Variants in RPH3AL observed in about 807,000 individuals in gnomAD.
RPH3AL encodes the protein rabphilin 3A like (without C2 domains).
A neutral mutation model predicts 43.1 loss-of-function variants in RPH3AL; 38 were observed. The ratio of observed to expected loss-of-function variants is 0.88; its 90% CI spans 0.68 to 1.15. The LOEUF (loss-of-function observed/expected upper bound fraction) is 1.15, where lower values mean the gene tolerates loss of function less well. Among genes scored for constraint, RPH3AL ranks in the 50% most tolerant of loss-of-function variants. RPH3AL has a pLI of 0.00. For missense variants in RPH3AL, 462 were observed against 423.2 expected (o/e 1.09, Z -0.81); for synonymous variants, 189 against 176.3 (o/e 1.07, Z -0.57).
intron 7 of RPH3AL, among the ~76,000 whole-genome samples, chr17:222,076 C>G (rs1484275055): frequency 6.6e-6 from 1 of 152,264 alleles, no homozygotes; most frequent in Non-Finnish European, 1.5e-5. Flanking sequence ...CCAAGAACAA[C>G]AGCTCTGAGG....
At chr17:258,177 G>A (rs368316999) in intron 6 of RPH3AL, among the ~76,000 whole-genome samples, 5 of 152,062 alleles carry the variant, frequency 3.3e-5, no homozygotes, top group Admixed American at 2.0e-4. Context: ...CCCCCTTTTC[G>A]CTGGTCCTTC....
chr17:217,342 C>T (rs1366759923), intron 8 of RPH3AL, among the ~76,000 whole-genome samples: 7 of 91,520 alleles, frequency 7.6e-5, no homozygotes, highest in African/African-American at 2.0e-4. Flanking sequence ...CAGAGCCCTT[C>T]TTCTGCATTA....
rs550325544 is a variant in RPH3AL at position 264,522 on chromosome 17, C to T, written c.439-17237G>A. ...GCATGTTGACAGCAGGATTACCCTT[C>T]GGAGCCGTGCGCGCTGGATGGGGAC... On this transcript the variant is annotated intron_variant, in intron 6 of 9. Coordinates refer to ENST00000331302, the MANE Select transcript of RPH3AL (RefSeq NM_006987.4). This position sits in a 1 kb window ranked among gnomAD's most constrained non-coding sequence, Gnocchi z 4.8. Among the ~76,000 whole-genome samples, 2 of 151,902 alleles carry T rather than the reference C, an allele frequency of 1.3e-5. No homozygotes were observed. Among genetic ancestry groups the T allele is most frequent in the East Asian group, 1.9e-4 (1 of 5,158 alleles).
intron 5 of RPH3AL, among the ~76,000 whole-genome samples, chr17:315,125 G>A (rs1392668807): frequency 1.4e-4 from 20 of 146,198 alleles, no homozygotes; most frequent in East Asian, 4.1e-4. Context: ...TTGACCTGTA[G>A]TCTCTGTGCT....
rs945271976 is a variant in RPH3AL, at chr17:290,931, G to A, written c.352-9077C>T. Among the ~76,000 whole-genome samples the A allele has an allele frequency of 2.0e-5, 3 of 152,166 alleles. No individual in the cohort carries two copies. The highest frequency in any genetic ancestry group is 4.8e-5 in the African/African-American group (2 of 41,442). On this transcript the variant is annotated intron_variant, in intron 5 of 9. Transcript: ENST00000331302. The surrounding 1 kb of genome is among the most constrained non-coding windows in gnomAD (Gnocchi z 4.2). ...TTCATGAGCCTCACTCGACCGAAAA[G>A]GGTGAAACTGCGCTCAAACGTCCTG...
intron 6 of RPH3AL, among the ~76,000 whole-genome samples, chr17:265,935 C>T (rs1277086498): frequency 1.3e-5 from 2 of 152,206 alleles, no homozygotes; most frequent in African/African-American, 4.8e-5. Context: ...TGAGTCTCCG[C>T]TCACGGCGGA....
rs1218571913 is a variant in RPH3AL, at chr17:289,255, G to A, written c.352-7401C>T. Among the ~76,000 whole-genome samples the A allele has an allele frequency of 6.6e-6, 1 of 152,092 alleles. No individual in the cohort carries two copies. The highest frequency in any genetic ancestry group is 2.4e-5 in the African/African-American group (1 of 41,414). ...CAGCACCATAAAAGGTTAGGTAGGCGGCAACCTCAGACCTTTATAGCCATG... is the reference window on the plus strand; with the variant it reads ...CAGCACCATAAAAGGTTAGGTAGGCAGCAACCTCAGACCTTTATAGCCATG... On this transcript the variant is annotated intron_variant, in intron 5 of 9. Coordinates refer to ENST00000331302, the MANE Select transcript of RPH3AL (RefSeq NM_006987.4). The surrounding 1 kb of genome is among the most constrained non-coding windows in gnomAD (Gnocchi z 5.2).
chr17:251,266 T>C (rs1379905348), intron 6 of RPH3AL, among the ~76,000 whole-genome samples: 4 of 152,224 alleles, frequency 2.6e-5, no homozygotes, highest in Non-Finnish European at 4.4e-5. Context: ...TCTGATCCTC[T>C]TGGAGCCTTC....
chr17:310,151 G>A (rs80239868), intron 5 of RPH3AL, among the ~76,000 whole-genome samples: 6,334 of 152,158 alleles, frequency 0.042, 423 homozygotes, highest in African/African-American at 0.14. Flanking sequence ...TGGACTCTCA[G>A]TGAGACTCAA....
At chr17:312,877 A>G (rs1191821974) in intron 5 of RPH3AL, among the ~76,000 whole-genome samples, 1 of 152,198 alleles carries the variant, frequency 6.6e-6, no homozygotes, top group Non-Finnish European at 1.5e-5. Flanking sequence ...ACAATCCTGC[A>G]GCCAGGGAGG....
At chr17:314,369 C>G (rs2043771140) in intron 5 of RPH3AL, among the ~76,000 whole-genome samples, 1 of 148,322 alleles carries the variant, frequency 6.7e-6, no homozygotes, top group African/African-American at 2.6e-5. Flanking sequence ...GGAGTCACTG[C>G]CCGAGTCCTG....
rs1462627127 is a variant in RPH3AL, at chr17:212,799, G to A, written c.*1053C>T. The stretch of plus-strand genomic sequence containing the variant: ...TTCATGCCAAGCCAAACCTCCTGAA[G>A]AGAAGTGAATTCATGGCTGAGGGAG... On this transcript the variant is annotated 3_prime_UTR_variant, in exon 10 of 10. Transcript: ENST00000331302. The A allele has an allele frequency of 6.6e-6, 1 of 152,078 alleles. No individual in the cohort carries two copies. The highest frequency in any genetic ancestry group is 1.5e-5 in the Non-Finnish European group (1 of 68,028). 9.4% of individuals were successfully genotyped at this position (152,078 alleles called of 1,614,324 possible). A position where few individuals can be genotyped will look rare whatever the true frequency, so the allele number is the denominator to read the frequency against.
intron 5 of RPH3AL, among the ~76,000 whole-genome samples, chr17:293,834 A>G (rs371515638): frequency 6.6e-6 from 1 of 152,108 alleles, no homozygotes; most frequent in Non-Finnish European, 1.5e-5. Flanking sequence ...TTCAACACCA[A>G]CCTGGCCAAC....
At chr17:312,673 A>C (rs2043673742) in intron 5 of RPH3AL, among the ~76,000 whole-genome samples, 1 of 152,246 alleles carries the variant, frequency 6.6e-6, no homozygotes, top group Non-Finnish European at 1.5e-5. Flanking sequence ...CCAATGGGCC[A>C]GGCAGTCTGC....
chr17:306,998 C>G (rs1028546692), intron 5 of RPH3AL, among the ~76,000 whole-genome samples: 1 of 152,182 alleles, frequency 6.6e-6, no homozygotes, highest in African/African-American at 2.4e-5. Flanking sequence ...CACCCACCCT[C>G]CAGGCCCGGC....
intron 5 of RPH3AL, among the ~76,000 whole-genome samples, chr17:309,989 C>T (rs188464640): frequency 9.3e-5 from 14 of 150,652 alleles, no homozygotes; most frequent in African/African-American, 2.9e-4. Context: ...CTCAGGTCAT[C>T]GTTTCATAGG....
intron 7 of RPH3AL, among the ~76,000 whole-genome samples, chr17:232,665 C>T (rs117176282): frequency 1.3e-5 from 2 of 152,286 alleles, no homozygotes; most frequent in East Asian, 3.9e-4. Flanking sequence ...ACACAACTGT[C>T]TATGACATTG....
chr17:347,444 C>T (rs577002507), intron 1 of RPH3AL, among the ~76,000 whole-genome samples: 4 of 152,202 alleles, frequency 2.6e-5, no homozygotes, highest in South Asian at 2.1e-4. Context: ...TTTAGCCAGG[C>T]GTGAGGGCAC....
intron 6 of RPH3AL, among the ~76,000 whole-genome samples, chr17:251,918 G>C (rs2041911171): frequency 6.6e-6 from 1 of 151,872 alleles, no homozygotes; most frequent in African/African-American, 2.4e-5. Context: ...TGCAGGCTTT[G>C]AACCGCACGC....
Sources: allele counts gnomAD v4.1 joint callset (sites outside exome capture counted in the v4.1 genomes callset), GRCh38; gene constraint gnomAD v4.1.1; non-coding constraint Gnocchi (gnomAD v3.1); transcripts MANE v1.5; gene names NCBI Gene and HGNC (gene_info 2026-07-23, HGNC 2026-07-21).